SNTG1: variants seen among roughly 807,000 people sequenced by gnomAD.
SNTG1 encodes the protein syntrophin gamma 1.
In SNTG1, 39 loss-of-function variants were observed where a neutral mutation model predicts 74.7. The ratio of observed to expected loss-of-function variants is 0.52; its 90% confidence interval spans 0.40 to 0.68. SNTG1 has a LOEUF of 0.68. Among genes scored for constraint, SNTG1 ranks in the 30% least tolerant of loss-of-function variants. The pLI, the probability that SNTG1 is intolerant of heterozygous loss-of-function variation, is 0.00. For missense variants in SNTG1, 685 were observed against 609.5 expected, an observed-to-expected ratio of 1.12 and a Z score of -1.30; for synonymous variants, 254 against 217.1, an observed-to-expected ratio of 1.17 and a Z score of -1.49.
At chr8:50,435,484 T>C (rs2093292142) in intron 4 of SNTG1, among the ~76,000 whole-genome samples, 1 of 152,126 alleles carries the variant, frequency 6.6e-6, no homozygotes, top group Admixed American at 6.6e-5. Flanking sequence ...ATTACGTCTA[T>C]TTTGGGAGGA....
chr8:50,470,532 T>C (rs960273372), intron 8 of SNTG1, among the ~76,000 whole-genome samples: 1 of 152,080 alleles, frequency 6.6e-6, no homozygotes, highest in Non-Finnish European at 1.5e-5. Context: ...GTGTTACAGC[T>C]CTTAAAGGTG....
chr8:50,219,238 C>A (rs960404691), intron 2 of SNTG1, among the ~76,000 whole-genome samples: 5 of 152,174 alleles, frequency 3.3e-5, no homozygotes, highest in African/African-American at 9.7e-5. Context: ...CTAAGCCCAG[C>A]ATTAACTTTA....
chr8:50,268,300 G>T (rs995952668), intron 2 of SNTG1, among the ~76,000 whole-genome samples: 13 of 152,102 alleles, frequency 8.5e-5, no homozygotes, highest in African/African-American at 3.1e-4. Flanking sequence ...CATGGATCCA[G>T]AAGTAATGGA....
At chr8:50,162,727 G>A (rs1419324630) in intron 1 of SNTG1, among the ~76,000 whole-genome samples, 1 of 152,072 alleles carries the variant, frequency 6.6e-6, no homozygotes, top group East Asian at 1.9e-4. Flanking sequence ...GTGTGAAGCT[G>A]AGTCCTCTGT....
At chr8:50,123,805 C>T (rs2081065415) in intron 1 of SNTG1, among the ~76,000 whole-genome samples, 3 of 142,382 alleles carry the variant, frequency 2.1e-5, no homozygotes. Flanking sequence ...GCTAAAAATG[C>T]ACACAAGCCA....
chr8:50,322,664 T>A (rs1389683020), intron 2 of SNTG1, among the ~76,000 whole-genome samples: 2 of 152,194 alleles, frequency 1.3e-5, no homozygotes, highest in Non-Finnish European at 2.9e-5. Context: ...TGGCAGTAAC[T>A]CTTAGACTTG....
At chr8:50,379,312 G>A (rs10957894) in intron 2 of SNTG1, among the ~76,000 whole-genome samples, 62,011 of 152,046 alleles carry the variant, frequency 0.41, 15,456 homozygotes, top group East Asian at 0.68. Flanking sequence ...GCACTTCCTA[G>A]CCTATGAAAG....
chr8:50,759,090 T>C (rs1797469289), intron 18 of SNTG1, among the ~76,000 whole-genome samples: 1 of 152,190 alleles, frequency 6.6e-6, no homozygotes, highest in Non-Finnish European at 1.5e-5. Flanking sequence ...TCATGTCTGT[T>C]GGCTGCATAA....
intron 13 of SNTG1, among the ~76,000 whole-genome samples, chr8:50,639,180 G>T (rs1273719604): frequency 6.7e-6 from 1 of 150,278 alleles, no homozygotes. Context: ...GTTCATTATT[G>T]TGTTATAAAA....
At chr8:50,668,144 G>A (rs1004852868) in intron 15 of SNTG1, among the ~76,000 whole-genome samples, 19 of 151,742 alleles carry the variant, frequency 1.3e-4, no homozygotes, top group South Asian at 1.3e-3. Flanking sequence ...TATAATAATC[G>A]TCATTGATTA....
chr8:50,567,978 T>C (rs4873465), intron 12 of SNTG1, among the ~76,000 whole-genome samples: 131,099 of 152,036 alleles, frequency 0.86, 56,707 homozygotes, highest in East Asian at 0.94. Flanking sequence ...TATTCATTGG[T>C]CAACCTCTCC....
chr8:50,515,194 G>A (rs933134661), intron 9 of SNTG1, among the ~76,000 whole-genome samples: 51 of 152,140 alleles, frequency 3.4e-4, no homozygotes, highest in Admixed American at 7.9e-4. Flanking sequence ...GCAAAATAAA[G>A]GGAATATAGC....
At chr8:50,438,774 C>T (rs777174340) in intron 5 of SNTG1, among the ~76,000 whole-genome samples, 175 bp downstream of exon 5, 4 of 152,136 alleles carry the variant, frequency 2.6e-5, no homozygotes, top group Non-Finnish European at 5.9e-5. Context: ...AAACTCTTAC[C>T]ATTTGATTTA....
intron 1 of SNTG1, among the ~76,000 whole-genome samples, chr8:50,062,712 A>G (rs1461809372): frequency 1.3e-5 from 2 of 152,324 alleles, no homozygotes; most frequent in South Asian, 4.1e-4. Context: ...CTTGGTCAGC[A>G]TTGAATTTTG....
chr8:50,577,636 A>G (rs2094584712), intron 12 of SNTG1, among the ~76,000 whole-genome samples: 1 of 152,144 alleles, frequency 6.6e-6, no homozygotes, highest in Non-Finnish European at 1.5e-5. Context: ...CATTTTTAGA[A>G]AACATAATAA....
At chr8:50,084,248 T>G (rs1038295894) in intron 1 of SNTG1, among the ~76,000 whole-genome samples, 1 of 151,918 alleles carries the variant, frequency 6.6e-6, no homozygotes, top group Non-Finnish European at 1.5e-5. Context: ...GATCACGAGG[T>G]CAAGAGATCA....
intron 1 of SNTG1, among the ~76,000 whole-genome samples, chr8:49,955,246 CTT>C (rs1242394608): frequency 6.6e-6 from 1 of 152,194 alleles, no homozygotes; most frequent in African/African-American, 2.4e-5. Context: ...ACAATTCACT[CTT>C]TGTTTTTTGC....
At chr8:50,347,493 C>A (rs1467792654) in intron 2 of SNTG1, among the ~76,000 whole-genome samples, 1 of 152,192 alleles carries the variant, frequency 6.6e-6, no homozygotes, top group African/African-American at 2.4e-5. Flanking sequence ...TGTTTTCATG[C>A]CTGCTAACAC....
At chr8:50,434,850 T>C (rs1001482024) in intron 4 of SNTG1, among the ~76,000 whole-genome samples, 2 of 152,196 alleles carry the variant, frequency 1.3e-5, no homozygotes, top group African/African-American at 2.4e-5. Context: ...CAAACAATAA[T>C]GTATTGGTTT....
Sources: allele counts gnomAD v4.1 joint callset (sites outside exome capture counted in the v4.1 genomes callset), GRCh38; gene constraint gnomAD v4.1.1; transcripts MANE v1.5; gene names NCBI Gene and HGNC (gene_info 2026-07-23, HGNC 2026-07-21).